The following TASP1 variants were observed in gnomAD, a reference collection of about 807,000 sequenced individuals.
TASP1 encodes the protein taspase 1, also known as threonine aspartase 1.
A neutral mutation model predicts 56.6 loss-of-function variants in TASP1; 16 were observed. The observed-to-expected ratio is 0.28, with a 90% CI of 0.19 to 0.43. The LOEUF (loss-of-function observed/expected upper bound fraction) is 0.43. TASP1 is among the 20% of genes least tolerant of loss of function. The pLI is 1.00. For synonymous variants in TASP1, 179 were observed against 184.2 expected, an observed-to-expected ratio of 0.97 and a Z score of 0.23; for missense variants, 393 against 511.6, an observed-to-expected ratio of 0.77 and a Z score of 2.24.
chr20:13,549,706 A>T (rs1021519107), intron 8 of TASP1, among the ~76,000 whole-genome samples: 4 of 152,212 alleles, frequency 2.6e-5, no homozygotes, highest in East Asian at 1.9e-4. Flanking sequence ...ATATTTCCTG[A>T]TAGGAAAGCT....
chr20:13,280,391 ACCCCC>A, the TASP1 span, among the ~76,000 whole-genome samples: 2 of 132,004 alleles, frequency 1.5e-5, no homozygotes, highest in Admixed American at 1.5e-4. Context: ...CTTCAAAGTA[ACCCCC>A]CCCCCCCAAT....
chr20:13,422,096 C>T (rs1036187862), intron 12 of TASP1, among the ~76,000 whole-genome samples: 8 of 151,828 alleles, frequency 5.3e-5, no homozygotes, highest in South Asian at 2.1e-4. Context: ...GGACTACAGG[C>T]GCCCACCACC....
intron 10 of TASP1, among the ~76,000 whole-genome samples, chr20:13,522,588 G>C (rs2044806297): frequency 6.6e-6 from 1 of 152,170 alleles, no homozygotes; most frequent in South Asian, 2.1e-4. Context: ...GGTTAGGCAA[G>C]AGCTCATATT....
intron 11 of TASP1, among the ~76,000 whole-genome samples, chr20:13,469,866 T>TG (rs2146414591): frequency 7.4e-6 from 1 of 134,378 alleles, no homozygotes; most frequent in East Asian, 2.5e-4. Flanking sequence ...TAGAATGCAG[T>TG]GGCATGATCT....
chr20:13,336,151 C>A, the TASP1 span, among the ~76,000 whole-genome samples: 1 of 152,010 alleles, frequency 6.6e-6, no homozygotes, highest in Non-Finnish European at 1.5e-5. Flanking sequence ...TCCAGGGGGC[C>A]CAAAGGAGAA....
At chr20:13,166,003 A>G in the TASP1 span, 1 of 152,500 alleles carries the variant, frequency 6.6e-6, no homozygotes, top group African/African-American at 2.4e-5. Flanking sequence ...ACAAACCTCT[A>G]TGGAAAAGTA....
At chr20:13,268,995 T>C in the TASP1 span, among the ~76,000 whole-genome samples, 1 of 152,158 alleles carries the variant, frequency 6.6e-6, no homozygotes, top group Non-Finnish European at 1.5e-5. Context: ...TATCTGCTAG[T>C]GTGTTTCAGC....
chr20:13,197,211 C>A, the TASP1 span, among the ~76,000 whole-genome samples: 2 of 152,126 alleles, frequency 1.3e-5, no homozygotes, highest in African/African-American at 4.8e-5. Context: ...TATGATAGTA[C>A]CATCAGAAAG....
the TASP1 span, among the ~76,000 whole-genome samples, chr20:13,175,276 T>C: frequency 6.6e-6 from 1 of 152,132 alleles, no homozygotes; most frequent in Non-Finnish European, 1.5e-5. Context: ...CTGGATAAAA[T>C]GTAAGATTCT....
chr20:13,274,059 T>TTGTGTG, the TASP1 span, among the ~76,000 whole-genome samples: 29,057 of 150,708 alleles, frequency 0.19, 2,819 homozygotes, highest in African/African-American at 0.22. Context: ...TGGCGTGTAA[T>TTGTGTG]TGTGTGTGTG....
chr20:13,371,755 T>C, the TASP1 span, among the ~76,000 whole-genome samples: 1 of 152,166 alleles, frequency 6.6e-6, no homozygotes, highest in South Asian at 2.1e-4. Context: ...TATTTAAGTA[T>C]CTGAATATTA....
chr20:13,585,760 T>C (rs1009932712), intron 5 of TASP1, among the ~76,000 whole-genome samples: 9 of 152,146 alleles, frequency 5.9e-5, no homozygotes, highest in African/African-American at 1.4e-4. Flanking sequence ...ACACTGCTAG[T>C]AGGAGTATAA....
In TASP1 at chr20:13,523,131, T is replaced by C. The variant is rs570564939; in HGVS notation, c.874+5302A>G. ...TAAGAAAAATAATAAACCTTGAGTA[T>C]AGAAAATTCCTTGAGGTTTCACCTT... is the stretch of plus-strand genomic sequence containing the variant. On this transcript the variant is annotated intron_variant, in intron 10 of 13. Transcript: ENST00000337743. Among the ~76,000 whole-genome samples the C allele has an allele frequency of 2.0e-4, 31 of 152,220 alleles. 3 individuals are homozygous for C. Among genetic ancestry groups the C allele is most frequent in the African/African-American group, 7.2e-4 (30 of 41,560 alleles).
At chr20:13,450,983 A>T (rs1189767612) in intron 11 of TASP1, among the ~76,000 whole-genome samples, 2 of 152,132 alleles carry the variant, frequency 1.3e-5, no homozygotes, top group African/African-American at 4.8e-5. Flanking sequence ...AAAGAGTTTC[A>T]GTATGGATAT....
At chr20:13,174,827 T>C in the TASP1 span, among the ~76,000 whole-genome samples, 1 of 152,120 alleles carries the variant, frequency 6.6e-6, no homozygotes. Flanking sequence ...CCTACCCAAA[T>C]ATCACCTTAA....
the TASP1 span, among the ~76,000 whole-genome samples, chr20:13,214,065 C>T: frequency 0.014 from 2,134 of 152,186 alleles, 24 homozygotes; most frequent in Non-Finnish European, 0.02. Context: ...AGAAAAGAGT[C>T]GCTGTAAAGA....
chr20:13,340,034 T>C, the TASP1 span, among the ~76,000 whole-genome samples: 2 of 152,130 alleles, frequency 1.3e-5, no homozygotes, highest in Non-Finnish European at 2.9e-5. Context: ...TTCACCTGGC[T>C]GTCTCTACTA....
chr20:13,382,887 G>A, the TASP1 span, among the ~76,000 whole-genome samples: 3 of 152,152 alleles, frequency 2.0e-5, no homozygotes, highest in East Asian at 5.8e-4. Flanking sequence ...AAAAAGGAAT[G>A]CAAAATGCTG....
At chr20:13,170,964 A>G in the TASP1 span, among the ~76,000 whole-genome samples, 3 of 152,208 alleles carry the variant, frequency 2.0e-5, no homozygotes, top group Admixed American at 2.0e-4. Flanking sequence ...CAACTTAACT[A>G]TGACCCCAGC....
Sources: gnomAD v4.1 joint callset for allele counts (sites outside exome capture counted in the v4.1 genomes callset) on GRCh38, gnomAD v4.1.1 for gene constraint, MANE v1.5 for transcripts, NCBI Gene and HGNC (gene_info 2026-07-23, HGNC 2026-07-21) for gene names.